The following DAB1 variants were observed in gnomAD, a reference collection of about 807,000 sequenced individuals.
DAB1 encodes disabled homolog 1.
DAB1 carries 15 observed loss-of-function variants against 64.6 expected under a neutral mutation model. That is an observed-to-expected ratio of 0.23 (90% CI 0.16 to 0.36). The LOEUF is 0.36. Among genes scored for constraint, DAB1 ranks in the 10% least tolerant of loss-of-function variants. The probability of loss-of-function intolerance (pLI) is 1.00; values close to 1 mark genes in which losing one functional copy is unlikely to be tolerated. For synonymous variants in DAB1, 235 were observed against 251.9 expected (o/e 0.93, Z 0.64); for missense variants, 596 against 706.7 (o/e 0.84, Z 1.78).
chr1:57,615,368 T>C (rs1471434367), intron 7 of DAB1, among the ~76,000 whole-genome samples: 3 of 152,310 alleles, frequency 2.0e-5, no homozygotes, highest in Middle Eastern at 3.4e-3. Flanking sequence ...TTCTTCTTTC[T>C]ACATCTGCTA....
intron 1 of DAB1, among the ~76,000 whole-genome samples, chr1:57,306,561 C>T (rs1169723585): frequency 7.3e-6 from 1 of 137,444 alleles, no homozygotes; most frequent in Non-Finnish European, 1.5e-5. Flanking sequence ...TTGGGATTCA[C>T]AGCTCATCAC....
At chr1:57,856,260 C>G (rs1369043591) in intron 1 of DAB1, among the ~76,000 whole-genome samples, 1 of 152,096 alleles carries the variant, frequency 6.6e-6, no homozygotes, top group Non-Finnish European at 1.5e-5. Context: ...AGAAAAGTAG[C>G]CTCAGAGAAG....
chr1:57,419,954 T>G (rs2101084444), intron 1 of DAB1, among the ~76,000 whole-genome samples: 1 of 152,380 alleles, frequency 6.6e-6, no homozygotes, highest in South Asian at 2.1e-4. Flanking sequence ...TAATGCTGTT[T>G]CTGCGTTACT....
At chr1:57,960,826 G>T (rs1570087151) in intron 5 of DAB1, among the ~76,000 whole-genome samples, 2 of 152,362 alleles carry the variant, frequency 1.3e-5, no homozygotes, top group South Asian at 4.1e-4. Context: ...AGCCATGCAG[G>T]CATGAGGAGA....
intron 6 of DAB1, among the ~76,000 whole-genome samples, chr1:57,761,081 T>C (rs1280404519): frequency 1.3e-5 from 2 of 152,238 alleles, no homozygotes; most frequent in African/African-American, 4.8e-5. Flanking sequence ...GGGTCAGATC[T>C]ATGTGTTCAC....
At chr1:58,208,430 T>C (rs936178241) in intron 4 of DAB1, among the ~76,000 whole-genome samples, 1 of 152,164 alleles carries the variant, frequency 6.6e-6, no homozygotes, top group African/African-American at 2.4e-5. Context: ...TATATTGTTT[T>C]TATCACTCAC....
At chr1:57,251,812 A>G (rs1411254290) in intron 2 of DAB1, among the ~76,000 whole-genome samples, 1 of 151,824 alleles carries the variant, frequency 6.6e-6, no homozygotes, top group Admixed American at 6.5e-5. Context: ...ATAATTTTGG[A>G]AATAGAAAAC....
At chr1:57,090,558 T>C (rs753806383) in intron 4 of DAB1, among the ~76,000 whole-genome samples, 4 of 152,160 alleles carry the variant, frequency 2.6e-5, no homozygotes, top group Non-Finnish European at 5.9e-5. Context: ...GAGAAAGGTT[T>C]ATTATCACTT....
chr1:57,790,794 C>G (rs1350341931), intron 6 of DAB1, among the ~76,000 whole-genome samples: 2 of 152,142 alleles, frequency 1.3e-5, no homozygotes, highest in African/African-American at 2.4e-5. Context: ...TGGCGAATAA[C>G]ATCATGTTTA....
chr1:58,106,502 C>A (rs1441567903), intron 5 of DAB1, among the ~76,000 whole-genome samples: 1 of 152,132 alleles, frequency 6.6e-6, no homozygotes, highest in Non-Finnish European at 1.5e-5. Flanking sequence ...CCTATTTAAT[C>A]CCAATAAAAG....
intron 3 of DAB1, among the ~76,000 whole-genome samples, chr1:58,459,698 C>A (rs1645224786): frequency 6.6e-6 from 1 of 152,156 alleles, no homozygotes; most frequent in African/African-American, 2.4e-5. Context: ...AGTCACAGGG[C>A]CGGGTATGGT....
chr1:58,200,609 TA>T (rs149097276), intron 4 of DAB1, among the ~76,000 whole-genome samples: 7,775 of 152,266 alleles, frequency 0.051, 232 homozygotes, highest in Admixed American at 0.079. Context: ...CATGATTATA[TA>T]AATCACTCAA....
chr1:58,371,302 C>G (rs1201406017), intron 3 of DAB1, among the ~76,000 whole-genome samples: 1 of 152,120 alleles, frequency 6.6e-6, no homozygotes. Context: ...ATCTGTGGAA[C>G]TTTGAACTTG....
chr1:57,337,835 CTCCCTTTCCTTTTCCCTT>C (rs1677205044), intron 1 of DAB1, among the ~76,000 whole-genome samples: 1 of 151,994 alleles, frequency 6.6e-6, no homozygotes, highest in South Asian at 2.1e-4. Flanking sequence ...ACCAAGGTCT[CTCCCTTTCCTTTTCCCTT>C]TCCCTTTCCC....
At chr1:57,602,052 G>C (rs12032941) in intron 7 of DAB1, among the ~76,000 whole-genome samples, 37,874 of 151,812 alleles carry the variant, frequency 0.25, 4,854 homozygotes, top group East Asian at 0.33. Context: ...GTGTAATTTG[G>C]GGAAAGTCTT....
intron 12 of DAB1, among the ~76,000 whole-genome samples, chr1:57,014,583 A>T (rs538191527): frequency 1.1e-4 from 17 of 152,254 alleles, no homozygotes; most frequent in African/African-American, 4.1e-4. Context: ...ATTCAATACC[A>T]CTTTGTCTAT....
rs531850288 is a variant in DAB1, at chr1:58,096,216, C to T, written n.387+54295G>A. Among the ~76,000 whole-genome samples the T allele has an allele frequency of 1.1e-4, 17 of 152,330 alleles. No homozygotes were observed. The South Asian group carries it at 3.3e-3, about 30-fold the overall frequency. On this transcript the variant is annotated intron_variant and non_coding_transcript_variant, in intron 5 of 20. Coordinates refer to the DAB1 transcript ENST00000485760. ...ACTACTAAGATTTAAAAATAAATGT[C>T]ACTTTGTGTGGTTGGTGTCTCTGCC...
At chr1:58,485,885 T>C (rs774057537) in intron 3 of DAB1, among the ~76,000 whole-genome samples, 6 of 152,182 alleles carry the variant, frequency 3.9e-5, no homozygotes, top group Non-Finnish European at 7.3e-5. Context: ...ATGATAAATG[T>C]CATAGAGAAA....
rs930799661 is a variant in DAB1, at chr1:57,423,335, G to A, written c.-137+595C>T. ...ACAGAGGATCCGAAGAAAGGCCGGG[G>A]TCCGAGGAACGCGGGATCCAGTTCT... On this transcript the variant is annotated intron_variant, in intron 1 of 14. Transcript: ENST00000371236. 2.6e-5 allele frequency among the ~76,000 whole-genome samples: 4 copies of A among 152,144 alleles called. No individual in the cohort carries two copies. The East Asian group carries it at 7.8e-4, about 30-fold the overall frequency.
Sources: gnomAD v4.1 joint callset for allele counts (sites outside exome capture counted in the v4.1 genomes callset) on GRCh38, gnomAD v4.1.1 for gene constraint, MANE v1.5 for transcripts, NCBI Gene and HGNC (gene_info 2026-07-23, HGNC 2026-07-21) for gene names.